Variants in ATP7B observed in about 807,000 individuals in gnomAD.
ATP7B encodes copper-transporting ATPase 2.
A neutral mutation model predicts 118.9 loss-of-function variants in ATP7B; 113 were observed. The observed-to-expected ratio is 0.95, with a 90% CI of 0.82 to 1.11. The LOEUF is 1.11. Among genes scored for constraint, ATP7B ranks in the 50% most tolerant of loss-of-function variants. ATP7B has a pLI of 0.00. For synonymous variants in ATP7B, 777 were observed against 727.4 expected, an observed-to-expected ratio of 1.07 and a Z score of -1.10; for missense variants, 1,867 against 1,871.4, an observed-to-expected ratio of 1.00 and a Z score of 0.04.
rs752378510 is a variant in ATP7B at position 51,974,346 on chromosome 13, A to G, written c.874T>C (p.Leu292=). The change falls in exon 2 of 21, where the codon TTG becomes CTG. Residue 292 remains leucine, a synonymous_variant. Coordinates refer to ENST00000242839, the MANE Select transcript of ATP7B (RefSeq NM_000053.4). Reference sequence around the variant, plus strand: ...TTTACTTGGGCAGTTTTGTTCTCCAAGGACACTTGAATACTTTGAACCCCT... The same window carrying G: ...TTTACTTGGGCAGTTTTGTTCTCCAGGGACACTTGAATACTTTGAACCCCT... ...LLGVQSIQVS[L]ENKTAQVKYD... 7 of 1,614,090 alleles carry G rather than the reference A, an allele frequency of 4.3e-6. No homozygotes were observed. The highest frequency in any genetic ancestry group is 4.0e-5 in the African/African-American group (3 of 75,060).
At chr13:51,958,683 C>T (rs1449230551) in intron 7 of ATP7B, 139 bp from the exon 8 acceptor site, 2 of 748,444 alleles carry the variant, frequency 2.7e-6, no homozygotes, top group South Asian at 3.0e-5. Context: ...CTGTGATGGG[C>T]GTTTATGAAA....
intron 4 of ATP7B, among the ~76,000 whole-genome samples, chr13:51,967,806 A>C (rs1951638648): frequency 1.3e-5 from 2 of 152,268 alleles, no homozygotes; most frequent in Non-Finnish European, 2.9e-5. Flanking sequence ...CTGTACAAAA[A>C]GTACAGAAGT....
intron 1 of ATP7B, among the ~76,000 whole-genome samples, chr13:51,978,317 T>C (rs1952226901): frequency 6.6e-6 from 1 of 152,042 alleles, no homozygotes; most frequent in Non-Finnish European, 1.5e-5. Flanking sequence ...AAGAAGACAG[T>C]TCATCAAAAA....
At chr13:51,987,931 G>A (rs576741577) in intron 1 of ATP7B, among the ~76,000 whole-genome samples, 3 of 152,070 alleles carry the variant, frequency 2.0e-5, no homozygotes, top group Admixed American at 6.6e-5. Context: ...AAACTTAAAC[G>A]TAAGACCTAA....
chr13:51,972,836 C>T (rs1167613720), intron 2 of ATP7B, among the ~76,000 whole-genome samples: 2 of 151,764 alleles, frequency 1.3e-5, no homozygotes, highest in African/African-American at 4.8e-5. Context: ...TCCGTCTCTA[C>T]AAAAAAATAA....
chr13:52,011,594 G>C (rs531881107), upstream of ATP7B: 7 of 601,810 alleles, frequency 1.2e-5, no homozygotes, highest in East Asian at 2.9e-5. Context: ...ACGGGGATGA[G>C]AGCGTGAGGG....
rs1181481193 is a variant in ATP7B, at chr13:51,969,434, C to T, written c.1544-827G>A. ...TGACTGCTGTTACCGGAAGGATATC[C>T]TTTTTTTTTTTTCTCCTTTTCTCCA... On this transcript the variant is annotated intron_variant, in intron 3 of 20. Transcript: ENST00000242839. 2.1e-5 allele frequency among the ~76,000 whole-genome samples: 3 copies of T among 144,762 alleles called. No individual in the cohort carries two copies. The East Asian group carries it at 6.0e-4, about 29-fold the overall frequency. The allele number at this position is 144,762 out of a possible 152,430, so 95.0% of individuals were successfully genotyped here.
chr13:51,991,606 T>C (rs574377606), intron 1 of ATP7B, among the ~76,000 whole-genome samples: 60 of 152,302 alleles, frequency 3.9e-4, no homozygotes, highest in Non-Finnish European at 6.6e-4. Context: ...TAATTCTGTA[T>C]ACAGCTGGAA....
intron 1 of ATP7B, among the ~76,000 whole-genome samples, chr13:51,983,625 C>G (rs1952522801): frequency 6.7e-6 from 1 of 148,800 alleles, no homozygotes; most frequent in Admixed American, 6.8e-5. Context: ...CAGGAGACAC[C>G]CCCCAGCAGG....
intron 8 of ATP7B, chr13:51,958,040 T>C: frequency 1.9e-6 from 1 of 516,242 alleles, no homozygotes; most frequent in Non-Finnish European, 3.5e-6. Flanking sequence ...CAAGAGACAA[T>C]GTAGGCTCTG....
intron 13 of ATP7B, 46 bp from the exon 14 acceptor site, chr13:51,944,337 G>C: frequency 6.2e-7 from 1 of 1,609,254 alleles, no homozygotes; most frequent in Non-Finnish European, 8.5e-7. Context: ...CAGATGGAGG[G>C]GCTTCCATAG....
chr13:51,987,476 G>A (rs1257598076), intron 1 of ATP7B, among the ~76,000 whole-genome samples: 4 of 152,174 alleles, frequency 2.6e-5, no homozygotes, highest in African/African-American at 7.2e-5. Context: ...TCGTGAAAAT[G>A]GCCATACTGC....
At position 51,932,719 on chromosome 13, in the gene ATP7B, T is replaced by C. The variant is rs1297294486; in HGVS notation, c.*2037A>G. On this transcript the variant is annotated 3_prime_UTR_variant, in exon 21 of 21. Coordinates refer to ENST00000242839, the MANE Select transcript of ATP7B (RefSeq NM_000053.4). The stretch of plus-strand genomic sequence containing the variant: ...ATTCTAATATTGCATGAAATGTTTT[T>C]GAAGTAGAAATGATTATCTGACAAA... 1.3e-5 allele frequency: 2 copies of C among 152,250 alleles called. No homozygotes were observed. Among genetic ancestry groups the C allele is most frequent in the Non-Finnish European group, 2.9e-5 (2 of 68,052 alleles). 9.4% of individuals were successfully genotyped at this position (152,250 alleles called of 1,614,324 possible). A position where few individuals can be genotyped will look rare whatever the true frequency, so the allele number is the denominator to read the frequency against.
At chr13:52,008,336 C>T (rs1187419796) in intron 1 of ATP7B, among the ~76,000 whole-genome samples, 1 of 152,164 alleles carries the variant, frequency 6.6e-6, no homozygotes, top group East Asian at 1.9e-4. Context: ...GAGACTACCT[C>T]TCAAAAAACT....
intron 12 of ATP7B, among the ~76,000 whole-genome samples, chr13:51,949,201 A>C (rs1957841228): frequency 6.6e-6 from 1 of 152,196 alleles, no homozygotes; most frequent in African/African-American, 2.4e-5. Context: ...TAAATAAACA[A>C]ACAAACATAA....
intron 4 of ATP7B, chr13:51,967,242 T>C: frequency 3.5e-6 from 3 of 865,472 alleles, no homozygotes; most frequent in Non-Finnish European, 5.4e-6. Context: ...TTCTTTTTTT[T>C]TTCATTACTG....
rs1951470482 is a variant in ATP7B, at chr13:51,964,977, C to T, written c.1764G>A (p.Arg588=). The T allele has an allele frequency of 6.2e-7, 1 of 1,614,128 alleles. No homozygotes were observed. Among genetic ancestry groups the T allele is most frequent in the Non-Finnish European group, 8.5e-7 (1 of 1,180,034 alleles). Residue 588 remains arginine, a synonymous_variant, in exon 5 of 21, where the codon AGG becomes AGA. Transcript: ENST00000242839. The part of the protein sequence containing the change: ...CVHNIESKLT[R]TNGITYASVA... ...CGGAGGCATAAGTGATGCCATTTGT[C>T]CTCGTGAGTTTGGACTCTATGTTGT...
intron 8 of ATP7B, 99 bp from the exon 9 acceptor site, chr13:51,957,706 G>A (rs990178981): frequency 2.3e-5 from 27 of 1,170,782 alleles, no homozygotes; most frequent in African/African-American, 9.1e-5. Flanking sequence ...CAGCTGGTGC[G>A]AGAGAAACAG....
At chr13:52,006,703 C>G (rs1728141064) in intron 1 of ATP7B, among the ~76,000 whole-genome samples, 1 of 152,224 alleles carries the variant, frequency 6.6e-6, no homozygotes, top group African/African-American at 2.4e-5. Flanking sequence ...TTCCAGCCTT[C>G]CACTCTTCCA....
Sources: gnomAD v4.1 joint callset for allele counts (sites outside exome capture counted in the v4.1 genomes callset) on GRCh38, gnomAD v4.1.1 for gene constraint, MANE v1.5 for transcripts, NCBI Gene and HGNC (gene_info 2026-07-23, HGNC 2026-07-21) for gene names.